The following RBPMS variants were observed in gnomAD, a reference collection of about 807,000 sequenced individuals.
The protein encoded by RBPMS is RNA-binding protein with multiple splicing.
In RBPMS, 7 loss-of-function variants were observed where a neutral mutation model predicts 26.8. The observed-to-expected ratio is 0.26, with a 90% CI of 0.15 to 0.49. RBPMS has a LOEUF of 0.49. Ranked by LOEUF, RBPMS falls within the 20% of genes least tolerant of loss-of-function variation. The probability of loss-of-function intolerance (pLI) is 0.98; values close to 1 mark genes in which losing one functional copy is unlikely to be tolerated. For synonymous variants in RBPMS, 96 were observed against 93.3 expected, an observed-to-expected ratio of 1.03 and a Z score of -0.17; for missense variants, 186 against 250.0, an observed-to-expected ratio of 0.74 and a Z score of 1.73.
chr8:30,517,228 G>T (rs1012776470), intron 5 of RBPMS, among the ~76,000 whole-genome samples: 10 of 135,182 alleles, frequency 7.4e-5, no homozygotes, highest in Non-Finnish European at 1.5e-4. Context: ...GTGTGTGTGT[G>T]TGTGTGTGTG....
chr8:30,438,636 A>G (rs1182720462), intron 1 of RBPMS, among the ~76,000 whole-genome samples: 1 of 152,178 alleles, frequency 6.6e-6, no homozygotes, highest in African/African-American at 2.4e-5. Context: ...TGCAGATATT[A>G]TATTATTCTA....
chr8:30,411,664 GAA>G (rs796071124), intron 1 of RBPMS, among the ~76,000 whole-genome samples: 2 of 28,214 alleles, frequency 7.1e-5, no homozygotes, highest in African/African-American at 1.5e-4. Flanking sequence ...CCCTGTCTCA[GAA>G]AAAAAAAAAA....
Position 30,436,078 on chromosome 8 carries a change from C to A in RBPMS, c.67-38701C>A, listed in dbSNP as rs538191705. ...AACAATTTTTCTGACTCTTCTTAGT[C>A]CTTATGTGGAATTCAGTTATTTCCA... On this transcript the variant is annotated intron_variant, in intron 1 of 8. Coordinates refer to ENST00000397323, the MANE Select transcript of RBPMS (RefSeq NM_001008710.3). 1.5e-4 allele frequency among the ~76,000 whole-genome samples: 23 copies of A among 152,318 alleles called. No homozygotes were observed. The South Asian group carries it at 3.3e-3, about 22-fold the overall frequency.
At chr8:30,519,399 C>A (rs1822758763) in intron 5 of RBPMS, among the ~76,000 whole-genome samples, 1 of 148,716 alleles carries the variant, frequency 6.7e-6, no homozygotes, top group African/African-American at 2.5e-5. Flanking sequence ...TTAGTTATGT[C>A]TTTTAAGTGC....
intron 4 of RBPMS, among the ~76,000 whole-genome samples, chr8:30,484,316 A>ATTT (rs1818568555): frequency 6.6e-6 from 1 of 152,238 alleles, no homozygotes; most frequent in African/African-American, 2.4e-5. Flanking sequence ...GGAATTTCAC[A>ATTT]TGACTTAAAA....
chr8:30,557,883 GTTTT>G (rs1827096623), intron 6 of RBPMS, among the ~76,000 whole-genome samples: 1 of 152,238 alleles, frequency 6.6e-6, no homozygotes, highest in South Asian at 2.1e-4. Context: ...TTTCTTGTTT[GTTTT>G]GAGATTTTCA....
At position 30,447,648 on chromosome 8, in the gene RBPMS, C is replaced by T. The variant is rs149830118; in HGVS notation, c.67-27131C>T. ...TTATTATATTAAGAAGTGAAACATA[C>T]GATAAAAAGAAAAATGAATTCCATA... On this transcript the variant is annotated intron_variant, in intron 1 of 8. Transcript: ENST00000397323. Among the ~76,000 whole-genome samples the T allele has an allele frequency of 1.4e-3, 217 of 151,964 alleles. 1 individual carries two copies. Among genetic ancestry groups the T allele is most frequent in the African/African-American group, 5.1e-3 (213 of 41,458 alleles).
intron 1 of RBPMS, among the ~76,000 whole-genome samples, chr8:30,472,903 C>T (rs1817287228): frequency 6.6e-6 from 1 of 152,108 alleles, no homozygotes; most frequent in African/African-American, 2.4e-5. Flanking sequence ...TGGTGAAACC[C>T]CATCTTTACA....
chr8:30,489,526 C>T (rs1490691414), intron 4 of RBPMS, among the ~76,000 whole-genome samples: 1 of 151,940 alleles, frequency 6.6e-6, no homozygotes, highest in Non-Finnish European at 1.5e-5. Flanking sequence ...CTCACTGCAA[C>T]CTCTGCCTCC....
chr8:30,460,321 A>G (rs777053528), intron 1 of RBPMS, among the ~76,000 whole-genome samples: 42 of 152,228 alleles, frequency 2.8e-4, no homozygotes, highest in Non-Finnish European at 5.4e-4. Flanking sequence ...TGCGAATTAG[A>G]GAAAGGCACT....
At chr8:30,505,332 C>T (rs1039136426) in intron 5 of RBPMS, among the ~76,000 whole-genome samples, 15 of 152,126 alleles carry the variant, frequency 9.9e-5, no homozygotes, top group Non-Finnish European at 1.8e-4. Context: ...CTTCTTCCTT[C>T]GATAGTACAT....
chr8:30,500,597 A>ATCAGGTATG (rs1820461375), intron 4 of RBPMS, among the ~76,000 whole-genome samples: 1 of 152,188 alleles, frequency 6.6e-6, no homozygotes, highest in Admixed American at 6.5e-5. Context: ...GGGTGCTCTG[A>ATCAGGTATG]AGACCTCAGT....
At chr8:30,477,576 C>T (rs1033833032) in intron 2 of RBPMS, among the ~76,000 whole-genome samples, 7 of 151,992 alleles carry the variant, frequency 4.6e-5, no homozygotes, top group Non-Finnish European at 1.0e-4. Context: ...AAGAGAAACA[C>T]AGATAAATCC....
At chr8:30,419,407 T>C (rs1421924242) in intron 1 of RBPMS, among the ~76,000 whole-genome samples, 1 of 150,012 alleles carries the variant, frequency 6.7e-6, no homozygotes, top group Non-Finnish European at 1.5e-5. Context: ...GATCATGCCA[T>C]TGCACTCCAG....
chr8:30,512,488 G>A (rs1370313596), intron 5 of RBPMS, among the ~76,000 whole-genome samples: 1 of 152,004 alleles, frequency 6.6e-6, no homozygotes, highest in Non-Finnish European at 1.5e-5. Context: ...TGTTACTGTT[G>A]TTGTTTTTTG....
At chr8:30,545,022 G>A (rs762937389) in intron 6 of RBPMS, 70 of 1,422,106 alleles carry the variant, frequency 4.9e-5, no homozygotes, top group East Asian at 1.4e-4. Context: ...GCGTCTGTGC[G>A]TGTTTCTGTG....
At chr8:30,550,016 C>A (rs1006016767) in intron 6 of RBPMS, among the ~76,000 whole-genome samples, 2 of 151,756 alleles carry the variant, frequency 1.3e-5, no homozygotes, top group African/African-American at 2.4e-5. Flanking sequence ...ACGCCTGGCT[C>A]ATTTTTTGTA....
chr8:30,499,718 A>G (rs540418103), intron 4 of RBPMS, among the ~76,000 whole-genome samples: 42 of 152,348 alleles, frequency 2.8e-4, no homozygotes, highest in Admixed American at 1.8e-3. Flanking sequence ...CTTTCAGGAG[A>G]CTAAAGTGAT....
intron 6 of RBPMS, among the ~76,000 whole-genome samples, chr8:30,549,741 T>TG (rs55685337): frequency 3.1e-5 from 2 of 63,556 alleles, no homozygotes; most frequent in African/African-American, 1.1e-4. Context: ...TTTCTTTCTT[T>TG]CTTTCTTTCC....
Sources: allele counts gnomAD v4.1 joint callset (sites outside exome capture counted in the v4.1 genomes callset), GRCh38; gene constraint gnomAD v4.1.1; transcripts MANE v1.5; gene names NCBI Gene and HGNC (gene_info 2026-07-23, HGNC 2026-07-21).